Variants in RBFOX1 observed in about 807,000 individuals in gnomAD.
RBFOX1 encodes the protein RNA binding protein fox-1 homolog 1.
In RBFOX1, 8 loss-of-function variants were observed where a neutral mutation model predicts 57.7. That is an observed-to-expected ratio of 0.14 (90% CI 0.08 to 0.25). The LOEUF (loss-of-function observed/expected upper bound fraction) is 0.25. Among genes scored for constraint, RBFOX1 ranks in the 10% least tolerant of loss-of-function variants. The pLI is 1.00. For synonymous variants in RBFOX1, 326 were observed against 222.4 expected (o/e 1.47, Z -4.15); for missense variants, 611 against 548.5 (o/e 1.11, Z -1.14).
chr16:7,193,557 A>G (rs557400654), intron 4 of RBFOX1, among the ~76,000 whole-genome samples: 41 of 152,228 alleles, frequency 2.7e-4, no homozygotes, highest in Admixed American at 5.2e-4. Flanking sequence ...CACGTGCCAG[A>G]TGCTCTTATG....
At chr16:6,801,588 T>A (rs2085464619) in intron 3 of RBFOX1, among the ~76,000 whole-genome samples, 1 of 151,866 alleles carries the variant, frequency 6.6e-6, no homozygotes, top group Non-Finnish European at 1.5e-5. Context: ...GGGTGGAGGT[T>A]GGGGAGATGG....
chr16:7,458,861 A>G (rs1446751032), intron 4 of RBFOX1, among the ~76,000 whole-genome samples: 1 of 152,096 alleles, frequency 6.6e-6, no homozygotes, highest in African/African-American at 2.4e-5. Context: ...CATACTATGT[A>G]TTTTATGTTT....
At position 6,431,894 on chromosome 16, in the gene RBFOX1, TTGC is replaced by T. The variant is rs145593433; in HGVS notation, c.-64+114839_-64+114841del. 6.3e-4 allele frequency among the ~76,000 whole-genome samples: 69 copies of T among 109,710 alleles called. 1 individual carries two copies. Among genetic ancestry groups the T allele is most frequent in the East Asian group, 5.1e-3 (16 of 3,138 alleles). The allele number at this position is 109,710 out of a possible 152,430, so 72.0% of individuals were successfully genotyped here. A position where few individuals can be genotyped will look rare whatever the true frequency, so the allele number is the denominator to read the frequency against. On this transcript the variant is annotated intron_variant, in intron 2 of 15. Transcript: ENST00000550418. ...CATGTCCAGAAATATGCTTGCTTGC[TTGC>T]TTTCTTTCTTTCTTTCTTTCTTTCT...
At chr16:7,027,258 A>G (rs9302838) in intron 3 of RBFOX1, among the ~76,000 whole-genome samples, 1 of 152,178 alleles carries the variant, frequency 6.6e-6, no homozygotes, top group Non-Finnish European at 1.5e-5. Context: ...AAACAAGTAA[A>G]TGAATAGAGA....
intron 3 of RBFOX1, among the ~76,000 whole-genome samples, chr16:7,014,470 C>T (rs545030148): frequency 3.1e-4 from 47 of 151,870 alleles, no homozygotes; most frequent in Non-Finnish European, 5.7e-4. Context: ...TGATCTCGAA[C>T]TCCTGACCTC....
intron 2 of RBFOX1, among the ~76,000 whole-genome samples, chr16:5,557,910 C>A (rs184441825): frequency 4.6e-5 from 7 of 152,296 alleles, no homozygotes; most frequent in Admixed American, 2.6e-4. Flanking sequence ...AGGTCAGAAC[C>A]AGAACAATGA....
intron 3 of RBFOX1, among the ~76,000 whole-genome samples, chr16:6,767,869 G>A (rs548823165): frequency 2.7e-5 from 4 of 150,520 alleles, no homozygotes; most frequent in East Asian, 2.0e-4. Context: ...AGCCGAGATC[G>A]CGCCATTGCA....
intron 4 of RBFOX1, among the ~76,000 whole-genome samples, chr16:7,335,480 C>A (rs897597770): frequency 1.3e-5 from 2 of 151,346 alleles, no homozygotes; most frequent in African/African-American, 2.4e-5. Flanking sequence ...CAAGGTCTTT[C>A]CAACCTCAAG....
intron 2 of RBFOX1, among the ~76,000 whole-genome samples, chr16:6,648,730 C>T (rs1277024737): frequency 3.3e-5 from 5 of 152,162 alleles, no homozygotes; most frequent in African/African-American, 1.2e-4. Context: ...CTGGTCAGAA[C>T]AGGCAGAAGC....
chr16:5,555,109 G>A (rs952490932), intron 2 of RBFOX1, among the ~76,000 whole-genome samples: 2 of 152,136 alleles, frequency 1.3e-5, no homozygotes, highest in Non-Finnish European at 2.9e-5. Context: ...GCTCTCTAAA[G>A]CCCGGGGTAC....
intron 1 of RBFOX1, among the ~76,000 whole-genome samples, chr16:6,299,604 C>T (rs973871305): frequency 1.3e-5 from 2 of 152,122 alleles, no homozygotes; most frequent in Non-Finnish European, 2.9e-5. Context: ...CACTCTCTAC[C>T]ATTTGGCCAG....
chr16:6,350,159 A>G (rs1169248180), intron 2 of RBFOX1, among the ~76,000 whole-genome samples: 2 of 152,076 alleles, frequency 1.3e-5, no homozygotes, highest in African/African-American at 4.8e-5. Context: ...ATCGTAAAAA[A>G]TACATGGTGT....
chr16:7,270,847 CT>C (rs543464145), intron 4 of RBFOX1, among the ~76,000 whole-genome samples: 230 of 152,258 alleles, frequency 1.5e-3, no homozygotes, highest in African/African-American at 5.1e-3. Flanking sequence ...CTCTCTAAAA[CT>C]TTTCTTTTTG....
intron 2 of RBFOX1, among the ~76,000 whole-genome samples, chr16:6,454,978 G>A (rs1442634428): frequency 6.8e-6 from 1 of 146,984 alleles, no homozygotes; most frequent in Non-Finnish European, 1.5e-5. Flanking sequence ...TGCCTCCCAG[G>A]TTCATGCCAT....
chr16:7,202,859 G>C (rs919396961), intron 4 of RBFOX1, among the ~76,000 whole-genome samples: 2 of 152,170 alleles, frequency 1.3e-5, no homozygotes, highest in African/African-American at 4.8e-5. Flanking sequence ...GTGCCAAAAA[G>C]GTTGGGGTCT....
At chr16:7,371,848 A>C (rs1471980055) in intron 4 of RBFOX1, among the ~76,000 whole-genome samples, 2 of 152,184 alleles carry the variant, frequency 1.3e-5, no homozygotes, top group Admixed American at 6.5e-5. Context: ...CATCAGTCTA[A>C]ATGCCCTGTG....
At chr16:5,682,078 A>G (rs185895958) in intron 3 of RBFOX1, among the ~76,000 whole-genome samples, 1 of 152,190 alleles carries the variant, frequency 6.6e-6, no homozygotes. Context: ...ACATTCACTT[A>G]TGTAGGACAG....
intron 1 of RBFOX1, among the ~76,000 whole-genome samples, chr16:5,379,165 C>T (rs1390862822): frequency 6.6e-6 from 1 of 151,566 alleles, no homozygotes; most frequent in Non-Finnish European, 1.5e-5. Context: ...CAGGGTCATG[C>T]GGGTGCTTCA....
At chr16:5,572,710 AG>A (rs2046322773) in intron 2 of RBFOX1, among the ~76,000 whole-genome samples, 1 of 152,204 alleles carries the variant, frequency 6.6e-6, no homozygotes, top group African/African-American at 2.4e-5. Flanking sequence ...ATTTTACAAA[AG>A]GTGGTCAAAC....
Sources: allele counts gnomAD v4.1 joint callset (sites outside exome capture counted in the v4.1 genomes callset), GRCh38; gene constraint gnomAD v4.1.1; transcripts MANE v1.5; gene names NCBI Gene and HGNC (gene_info 2026-07-23, HGNC 2026-07-21).